The following NARS2 variants were observed in gnomAD, a reference collection of about 807,000 sequenced individuals.
NARS2 encodes the protein asparaginyl-tRNA synthetase 2, mitochondrial.
In NARS2, 60 loss-of-function variants were observed where a neutral mutation model predicts 62.9. The observed-to-expected ratio is 0.95, with a 90% confidence interval of 0.77 to 1.18. The LOEUF (loss-of-function observed/expected upper bound fraction) is 1.18. Ranked by LOEUF, NARS2 falls within the 50% of genes most tolerant of loss-of-function variation. The pLI is 0.00. For missense variants in NARS2, 619 were observed against 576.4 expected (o/e 1.07, Z -0.76); for synonymous variants, 196 against 200.0 (o/e 0.98, Z 0.17).
intron 6 of NARS2, 112 bp downstream of exon 6, chr11:78,528,730 A>G (rs1178483873): frequency 2.8e-6 from 2 of 706,946 alleles, no homozygotes; most frequent in Non-Finnish European, 2.4e-6. Context: ...GGAAAATTCA[A>G]GTGAACTAAT....
chr11:78,521,341 T>C (rs1453886883), intron 6 of NARS2, among the ~76,000 whole-genome samples: 26 of 151,862 alleles, frequency 1.7e-4, no homozygotes, highest in Admixed American at 1.7e-3. Context: ...TTGGTTTTTT[T>C]GTTTGTTTGT....
intron 6 of NARS2, among the ~76,000 whole-genome samples, chr11:78,525,837 T>A (rs1185742424): frequency 6.6e-6 from 1 of 152,126 alleles, no homozygotes; most frequent in Non-Finnish European, 1.5e-5. Context: ...ATATCACGTA[T>A]CCACTGATAC....
intron 5 of NARS2, among the ~76,000 whole-genome samples, chr11:78,536,980 T>G (rs1031154497): frequency 6.6e-6 from 1 of 152,250 alleles, no homozygotes; most frequent in African/African-American, 2.4e-5. Flanking sequence ...CTTGCCATTT[T>G]ATTACAGTTG....
At chr11:78,455,358 T>C (rs906997765) in intron 11 of NARS2, among the ~76,000 whole-genome samples, 1 of 152,230 alleles carries the variant, frequency 6.6e-6, no homozygotes, top group Non-Finnish European at 1.5e-5. Flanking sequence ...CCTGTGATGA[T>C]ACAAGTGTGT....
At chr11:78,525,777 T>C (rs1861273808) in intron 6 of NARS2, among the ~76,000 whole-genome samples, 1 of 152,078 alleles carries the variant, frequency 6.6e-6, no homozygotes, top group Non-Finnish European at 1.5e-5. Flanking sequence ...GTAAAGAAAC[T>C]TGGCAAACAC....
chr11:78,437,653 G>T (rs1264464406), intron 13 of NARS2, among the ~76,000 whole-genome samples: 1 of 152,138 alleles, frequency 6.6e-6, no homozygotes, highest in African/African-American at 2.4e-5. Flanking sequence ...ATTTTGTGGG[G>T]AAATTCTTGA....
intron 5 of NARS2, among the ~76,000 whole-genome samples, chr11:78,547,516 G>C (rs1855927225): frequency 6.6e-6 from 1 of 152,196 alleles, no homozygotes; most frequent in Admixed American, 6.5e-5. Context: ...GAAGCAGTAA[G>C]AGGTACTGAT....
At chr11:78,446,646 T>C (rs1591125793) in intron 11 of NARS2, among the ~76,000 whole-genome samples, 1 of 152,180 alleles carries the variant, frequency 6.6e-6, no homozygotes, top group East Asian at 1.9e-4. Flanking sequence ...AGAAACAGTA[T>C]CCTTGAAACA....
chr11:78,539,360 A>G (rs1855520878), intron 5 of NARS2, among the ~76,000 whole-genome samples: 1 of 152,184 alleles, frequency 6.6e-6, no homozygotes, highest in Non-Finnish European at 1.5e-5. Context: ...GGAGACAGGC[A>G]GGGGAGGTAT....
chr11:78,455,863 A>G (rs17136636), intron 11 of NARS2, among the ~76,000 whole-genome samples: 6,814 of 151,294 alleles, frequency 0.045, 514 homozygotes, highest in African/African-American at 0.16. Context: ...AAGGGATAAA[A>G]GTTAATTATC....
chr11:78,510,760 A>G (rs1309992592), intron 6 of NARS2, among the ~76,000 whole-genome samples: 1 of 152,216 alleles, frequency 6.6e-6, no homozygotes, highest in African/African-American at 2.4e-5. Context: ...CATACTTAAA[A>G]TGGTACAACA....
At chr11:78,536,549 AAAAG>A (rs1200235650) in intron 5 of NARS2, among the ~76,000 whole-genome samples, 1 of 152,204 alleles carries the variant, frequency 6.6e-6, no homozygotes, top group Non-Finnish European at 1.5e-5. Flanking sequence ...TAAACAGTAA[AAAAG>A]AAATCTCTAA....
chr11:78,517,383 C>T (rs770186468), intron 6 of NARS2, among the ~76,000 whole-genome samples: 2 of 152,174 alleles, frequency 1.3e-5, no homozygotes, highest in Non-Finnish European at 2.9e-5. Flanking sequence ...ACACAACTGG[C>T]ATTCAGTTCA....
At position 78,443,768 on chromosome 11, in the gene NARS2, A is replaced by C. The variant is rs1191660485; in HGVS notation, c.1165-10T>G. On this transcript the variant is annotated splice_polypyrimidine_tract_variant and intron_variant, in intron 11 of 13. Coordinates refer to ENST00000281038, the MANE Select transcript of NARS2 (RefSeq NM_024678.6). ...GATCAACAGCAGCAACCTAAGGAAAAAAAAAAAATTATTAGCATTATATTT... is the reference window on the plus strand; with the variant it reads ...GATCAACAGCAGCAACCTAAGGAAACAAAAAAAATTATTAGCATTATATTT... 6.3e-7 allele frequency: 1 copy of C among 1,594,032 alleles called. No homozygotes were observed. Among genetic ancestry groups the C allele is most frequent in the Non-Finnish European group, 8.6e-7 (1 of 1,163,722 alleles).
chr11:78,482,056 G>A (rs1859377148), intron 7 of NARS2, among the ~76,000 whole-genome samples: 1 of 152,128 alleles, frequency 6.6e-6, no homozygotes, highest in African/African-American at 2.4e-5. Context: ...TAAGACTCAT[G>A]AAATTAGTCA....
At chr11:78,487,576 T>C (rs1859635804) in intron 7 of NARS2, among the ~76,000 whole-genome samples, 1 of 151,988 alleles carries the variant, frequency 6.6e-6, no homozygotes, top group South Asian at 2.1e-4. Context: ...TCCCCCAAGT[T>C]GGCTAAAGAC....
Position 78,469,239 on chromosome 11 carries a change from A to T in NARS2, c.1026+8T>A. 6.3e-7 allele frequency: 1 copy of T among 1,592,656 alleles called. No homozygotes were observed. The highest frequency in any genetic ancestry group is 8.6e-7 in the Non-Finnish European group (1 of 1,160,530). On this transcript the variant is annotated splice_region_variant and intron_variant, in intron 10 of 13. Coordinates refer to ENST00000281038, the MANE Select transcript of NARS2 (RefSeq NM_024678.6). ...CACACACATATATACATACACACAA[A>T]ATACTACCTCTGGGGTAAAGGTGAA...
At chr11:78,561,970 G>C (rs1243740543) in intron 4 of NARS2, among the ~76,000 whole-genome samples, 1 of 152,006 alleles carries the variant, frequency 6.6e-6, no homozygotes, top group Non-Finnish European at 1.5e-5. Flanking sequence ...CTGAGGCAGA[G>C]GTTGCAGTGA....
intron 9 of NARS2, among the ~76,000 whole-genome samples, chr11:78,475,042 T>C (rs928686710): frequency 6.6e-6 from 1 of 152,162 alleles, no homozygotes; most frequent in African/African-American, 2.4e-5. Context: ...AACTGAAACT[T>C]TGTACCCCTT....
Sources: gnomAD v4.1 joint callset for allele counts (sites outside exome capture counted in the v4.1 genomes callset) on GRCh38, gnomAD v4.1.1 for gene constraint, MANE v1.5 for transcripts, NCBI Gene and HGNC (gene_info 2026-07-23, HGNC 2026-07-21) for gene names.